The following GAP43 variants were observed in gnomAD, a reference collection of about 807,000 sequenced individuals.
The protein encoded by GAP43 is growth associated protein 43.
GAP43 carries 6 observed loss-of-function variants against 18.6 expected under a neutral mutation model. That is an observed-to-expected ratio of 0.32 (90% CI 0.18 to 0.64). GAP43 has a LOEUF of 0.64. Ranked by LOEUF, GAP43 falls within the 30% of genes least tolerant of loss-of-function variation. GAP43 has a pLI of 0.78. For missense variants in GAP43, 292 were observed against 295.5 expected, an observed-to-expected ratio of 0.99 and a Z score of 0.09; for synonymous variants, 115 against 111.4, an observed-to-expected ratio of 1.03 and a Z score of -0.20.
In GAP43 at chr3:115,721,143, T is replaced by C; in HGVS notation, c.*261T>C. On this transcript the variant is annotated 3_prime_UTR_variant, in exon 3 of 3. Transcript: ENST00000305124. ...TGTTGTTATGGCAAGTTTTTGGTAA[T>C]GATGATTCAATCATTTTGGGAAATT... The C allele has an allele frequency of 4.1e-6, 1 of 242,272 alleles. No individual in the cohort carries two copies. The highest frequency in any genetic ancestry group is 8.1e-6 in the Non-Finnish European group (1 of 122,964). 15.0% of individuals were successfully genotyped at this position (242,272 alleles called of 1,614,324 possible). A position where few individuals can be genotyped will look rare whatever the true frequency, so the allele number is the denominator to read the frequency against.
intron 1 of GAP43, among the ~76,000 whole-genome samples, chr3:115,649,406 G>A (rs141492099): frequency 1.3e-5 from 2 of 152,176 alleles, no homozygotes; most frequent in Admixed American, 6.5e-5. Context: ...TAACAGTGTC[G>A]AATGGAGAAA....
intron 1 of GAP43, among the ~76,000 whole-genome samples, chr3:115,638,172 A>G (rs936898803): frequency 1.3e-5 from 2 of 152,014 alleles, no homozygotes; most frequent in East Asian, 1.9e-4. Flanking sequence ...CCAGAGTGCT[A>G]TTTTGAAAAG....
At chr3:115,645,201 A>G (rs1340335148) in intron 1 of GAP43, among the ~76,000 whole-genome samples, 6 of 152,064 alleles carry the variant, frequency 3.9e-5, no homozygotes, top group Admixed American at 1.3e-4. Context: ...AAATATATGA[A>G]TCAGATATGT....
intron 1 of GAP43, among the ~76,000 whole-genome samples, chr3:115,636,524 C>T (rs983882836): frequency 2.6e-5 from 4 of 152,008 alleles, no homozygotes; most frequent in Non-Finnish European, 5.9e-5. Context: ...CAGTTATATA[C>T]CATCCTTGGA....
rs542026468 is a variant in GAP43 at position 115,679,875 on chromosome 3, G to T, written c.628+3265G>T. Among the ~76,000 whole-genome samples the T allele has an allele frequency of 3.1e-4, 47 of 152,284 alleles. No individual in the cohort carries two copies. In the South Asian group the frequency reaches 3.9e-3, roughly 13 times the overall value. ...AGTGTAGCTCTGAGTGACTTTAAAT[G>T]TTCTGTATGTTGATCTTGGCTGCAT... On this transcript the variant is annotated intron_variant, in intron 2 of 2. Transcript: ENST00000305124.
chr3:115,675,500 G>A (rs908459370), intron 1 of GAP43, among the ~76,000 whole-genome samples: 9 of 152,158 alleles, frequency 5.9e-5, no homozygotes, highest in Non-Finnish European at 1.2e-4. Context: ...GGTGGCTCAC[G>A]CCTGTAATTC....
At chr3:115,690,989 T>G (rs1709104615) in intron 2 of GAP43, among the ~76,000 whole-genome samples, 1 of 151,934 alleles carries the variant, frequency 6.6e-6, no homozygotes, top group Admixed American at 6.6e-5. Flanking sequence ...TCTCCTGACC[T>G]CATGATCCAC....
At chr3:115,696,971 T>C (rs1709199609) in intron 2 of GAP43, among the ~76,000 whole-genome samples, 2 of 152,026 alleles carry the variant, frequency 1.3e-5, no homozygotes, top group South Asian at 4.2e-4. Context: ...TAGCAGGCAC[T>C]ACAGGCGCCC....
intron 1 of GAP43, among the ~76,000 whole-genome samples, chr3:115,648,682 A>C (rs907689395): frequency 1.3e-5 from 2 of 152,150 alleles, no homozygotes; most frequent in Non-Finnish European, 2.9e-5. Context: ...TTGAGAGCTT[A>C]TTCATCTTCG....
chr3:115,683,116 C>T (rs1194968043), intron 2 of GAP43, among the ~76,000 whole-genome samples: 4 of 127,490 alleles, frequency 3.1e-5, no homozygotes, highest in African/African-American at 6.4e-5. Flanking sequence ...TTTTTCTCTA[C>T]ATACATGTGC....
chr3:115,626,769 A>C (rs1328138669), intron 1 of GAP43, among the ~76,000 whole-genome samples: 1 of 152,100 alleles, frequency 6.6e-6, no homozygotes, highest in African/African-American at 2.4e-5. Context: ...CCAGCCCCCC[A>C]TCCATGCCAA....
intron 1 of GAP43, among the ~76,000 whole-genome samples, chr3:115,642,564 A>T (rs1207468904): frequency 1.3e-5 from 2 of 152,058 alleles, no homozygotes; most frequent in East Asian, 3.9e-4. Context: ...GTTCAAGAAT[A>T]TTTCCCAGTA....
At chr3:115,715,128 C>T (rs1032423110) in intron 2 of GAP43, among the ~76,000 whole-genome samples, 8 of 152,194 alleles carry the variant, frequency 5.3e-5, no homozygotes, top group East Asian at 1.9e-4. Context: ...CTCCTAATGC[C>T]GTCACCTTAG....
chr3:115,689,886 A>C (rs1398170722), intron 2 of GAP43, among the ~76,000 whole-genome samples: 1 of 152,188 alleles, frequency 6.6e-6, no homozygotes, highest in East Asian at 1.9e-4. Flanking sequence ...GGTAGAAAAG[A>C]GAAAGAAGGA....
chr3:115,695,932 C>T (rs1709182633), intron 2 of GAP43, among the ~76,000 whole-genome samples: 1 of 152,134 alleles, frequency 6.6e-6, no homozygotes, highest in South Asian at 2.1e-4. Context: ...TTATTTTTGC[C>T]AACCTACTGG....
intron 1 of GAP43, among the ~76,000 whole-genome samples, chr3:115,649,641 T>A (rs1423214485): frequency 2.0e-5 from 3 of 151,610 alleles, no homozygotes; most frequent in Admixed American, 6.6e-5. Flanking sequence ...AAGAAATGTA[T>A]TGAAATGGGA....
At chr3:115,663,809 C>A (rs183673207) in intron 1 of GAP43, 3 of 1,551,662 alleles carry the variant, frequency 1.9e-6, no homozygotes, top group African/African-American at 2.7e-5. Context: ...ATTATGCCAC[C>A]CCGCACTCCA....
chr3:115,638,326 A>G (rs1006426579), intron 1 of GAP43, among the ~76,000 whole-genome samples: 7 of 152,186 alleles, frequency 4.6e-5, no homozygotes, highest in Middle Eastern at 3.4e-3. Context: ...CTGCTTAACA[A>G]CCATGCGCCT....
In GAP43 at chr3:115,634,936, G is replaced by T. The variant is rs572211620; in HGVS notation, c.30+11217G>T. ...AGGAATAAGCATTGAGTTATATTTT[G>T]CATGGACATTGCATTTCGGTCTTTA... is the stretch of plus-strand genomic sequence containing the variant. On this transcript the variant is annotated intron_variant, in intron 1 of 2. Coordinates refer to ENST00000305124, the MANE Select transcript of GAP43 (RefSeq NM_002045.4). Among the ~76,000 whole-genome samples the T allele has an allele frequency of 5.3e-5, 8 of 152,218 alleles. No homozygotes were observed. In the South Asian group the frequency reaches 1.7e-3, roughly 32 times the overall value.
Sources: allele counts gnomAD v4.1 joint callset (sites outside exome capture counted in the v4.1 genomes callset), GRCh38; gene constraint gnomAD v4.1.1; transcripts MANE v1.5; gene names NCBI Gene and HGNC (gene_info 2026-07-23, HGNC 2026-07-21).